Variants in CFAP61 observed in about 807,000 individuals in gnomAD.
The protein encoded by CFAP61 is cilia- and flagella-associated protein 61.
In CFAP61, 107 loss-of-function variants were observed where a neutral mutation model predicts 135.6. That is an observed-to-expected ratio of 0.79 (90% CI 0.67 to 0.93). The LOEUF (loss-of-function observed/expected upper bound fraction) is 0.93. Among genes scored for constraint, CFAP61 ranks in the 40% least tolerant of loss-of-function variants. The probability of loss-of-function intolerance (pLI) is 0.00; values close to 1 mark genes in which losing one functional copy is unlikely to be tolerated. For missense variants in CFAP61, 1,507 were observed against 1,556.2 expected, an observed-to-expected ratio of 0.97 and a Z score of 0.53; for synonymous variants, 575 against 578.5, an observed-to-expected ratio of 0.99 and a Z score of 0.09.
chr20:20,281,084 T>TA (rs1187822371), intron 22 of CFAP61, among the ~76,000 whole-genome samples: 4 of 152,234 alleles, frequency 2.6e-5, no homozygotes, highest in Non-Finnish European at 5.9e-5. Context: ...CACTGCAGGT[T>TA]TACAAAATGC....
intron 7 of CFAP61, among the ~76,000 whole-genome samples, chr20:20,092,499 G>A (rs1003709722): frequency 2.6e-5 from 4 of 152,176 alleles, no homozygotes; most frequent in African/African-American, 9.7e-5. Flanking sequence ...TGGATGACAT[G>A]AGCAGTTTGA....
chr20:20,177,120 G>A (rs1372005005), intron 13 of CFAP61, among the ~76,000 whole-genome samples: 1 of 151,984 alleles, frequency 6.6e-6, no homozygotes, highest in African/African-American at 2.4e-5. Context: ...GGTTAGATTT[G>A]TACGAATATG....
chr20:20,245,383 G>A (rs770035260), intron 18 of CFAP61, among the ~76,000 whole-genome samples: 3 of 152,214 alleles, frequency 2.0e-5, no homozygotes, highest in African/African-American at 4.8e-5. Context: ...AGAGGAACAA[G>A]TCACGTCTTA....
intron 26 of CFAP61, among the ~76,000 whole-genome samples, chr20:20,355,865 A>G (rs1161493230): frequency 1.5e-4 from 16 of 109,106 alleles, no homozygotes; most frequent in African/African-American, 4.9e-4. Flanking sequence ...GAGGGGAGGT[A>G]GTCACACTGT....
At chr20:20,258,060 T>C (rs976287944) in intron 20 of CFAP61, among the ~76,000 whole-genome samples, 4 of 152,124 alleles carry the variant, frequency 2.6e-5, no homozygotes, top group African/African-American at 9.7e-5. Flanking sequence ...ATTCAGTGAG[T>C]GTCATGGGTG....
intron 2 of CFAP61, among the ~76,000 whole-genome samples, chr20:20,060,434 A>G (rs1202311560): frequency 6.6e-6 from 1 of 152,250 alleles, no homozygotes; most frequent in Non-Finnish European, 1.5e-5. Context: ...TCTAAGAAAA[A>G]GTATGACTTG....
intron 24 of CFAP61, among the ~76,000 whole-genome samples, chr20:20,291,223 G>A (rs923749133): frequency 2.0e-5 from 3 of 152,080 alleles, no homozygotes; most frequent in Admixed American, 2.0e-4. Context: ...TACATTCTGT[G>A]GGTTTGGACA....
intron 6 of CFAP61, among the ~76,000 whole-genome samples, chr20:20,077,219 A>G (rs2046116538): frequency 6.6e-6 from 1 of 152,214 alleles, no homozygotes; most frequent in South Asian, 2.1e-4. Flanking sequence ...ACATCCATAC[A>G]GTGGATGCTA....
At chr20:20,077,025 A>G (rs1184800957) in intron 6 of CFAP61, among the ~76,000 whole-genome samples, 1 of 152,176 alleles carries the variant, frequency 6.6e-6, no homozygotes, top group African/African-American at 2.4e-5. Flanking sequence ...TTATTATGAC[A>G]AAGGGGCTTA....
At chr20:20,158,591 C>T (rs2053144963) in intron 9 of CFAP61, among the ~76,000 whole-genome samples, 1 of 152,294 alleles carries the variant, frequency 6.6e-6, no homozygotes, top group South Asian at 2.1e-4. Context: ...ATGCGTGCAA[C>T]AGCATGGATG....
intron 6 of CFAP61, among the ~76,000 whole-genome samples, chr20:20,088,171 CTGTT>C (rs2046939320): frequency 3.3e-5 from 5 of 152,270 alleles, no homozygotes; most frequent in South Asian, 4.2e-4. Context: ...TGGAATAAGA[CTGTT>C]TGGTGGTGAT....
chr20:20,246,264 T>C, intron 19 of CFAP61, 49 bp downstream of exon 19: 2 of 1,123,826 alleles, frequency 1.8e-6, no homozygotes, highest in Non-Finnish European at 2.7e-6. Context: ...TGTCCTACTC[T>C]GTGTGCAGTC....
chr20:20,292,903 G>A (rs1405441404), intron 24 of CFAP61, among the ~76,000 whole-genome samples: 3 of 152,162 alleles, frequency 2.0e-5, no homozygotes, highest in Non-Finnish European at 2.9e-5. Context: ...AGCAACCACC[G>A]AGATTCAAGG....
At chr20:20,171,192 A>G (rs2054193906) in intron 13 of CFAP61, among the ~76,000 whole-genome samples, 1 of 152,240 alleles carries the variant, frequency 6.6e-6, no homozygotes. Flanking sequence ...CACAGGTAGC[A>G]GTCAGCACTA....
At chr20:20,063,473 A>C (rs1671637710) in intron 2 of CFAP61, among the ~76,000 whole-genome samples, 1 of 152,222 alleles carries the variant, frequency 6.6e-6, no homozygotes, top group South Asian at 2.1e-4. Context: ...GATTAGTCTA[A>C]TTCATCAAAT....
chr20:20,244,579 C>G (rs1601591412), intron 18 of CFAP61, among the ~76,000 whole-genome samples: 1 of 152,320 alleles, frequency 6.6e-6, no homozygotes, highest in East Asian at 1.9e-4. Context: ...TGGGCTCAAC[C>G]CACAAAACCA....
At chr20:20,330,343 T>C (rs6137000) in intron 25 of CFAP61, among the ~76,000 whole-genome samples, 22,617 of 151,892 alleles carry the variant, frequency 0.15, 1,879 homozygotes, top group East Asian at 0.28. Flanking sequence ...TTTTTGTTTG[T>C]TTGTTTGTTT....
rs1045451131 is a variant in CFAP61, at chr20:20,196,646, G to T, written c.1667G>T (p.Gly556Val). ...YFSHHQREEH[G>V]HMHHFALNPI... ...AGTCACCACCAGCGCGAAGAACACG[G>T]GCACATGCATCACTTTGCCCTCAAC... The change falls in exon 16 of 27, where the codon GGG (glycine) becomes GTG (valine). Residue 556 changes from glycine to valine, a missense_variant. By Grantham distance (109) the Gly-to-Val change is moderately radical. Coordinates refer to ENST00000245957, the MANE Select transcript of CFAP61 (RefSeq NM_015585.4). 1.9e-6 allele frequency: 3 copies of T among 1,613,918 alleles called. No homozygotes were observed. Among genetic ancestry groups the T allele is most frequent in the African/African-American group, 2.7e-5 (2 of 74,852 alleles).
chr20:20,197,329 G>A (rs968172552), intron 16 of CFAP61, among the ~76,000 whole-genome samples: 19 of 152,270 alleles, frequency 1.2e-4, no homozygotes, highest in Admixed American at 1.1e-3. Context: ...GGTAATAGAC[G>A]CGAATCTGAT....
Sources: allele counts gnomAD v4.1 joint callset (sites outside exome capture counted in the v4.1 genomes callset), GRCh38; gene constraint gnomAD v4.1.1; transcripts MANE v1.5; gene names NCBI Gene and HGNC (gene_info 2026-07-23, HGNC 2026-07-21).